Variants in DNAH8 observed in about 807,000 individuals in gnomAD.
DNAH8 encodes the protein dynein axonemal heavy chain 8.
A neutral mutation model predicts 562.1 loss-of-function variants in DNAH8; 382 were observed. The ratio of observed to expected loss-of-function variants is 0.68; its 90% CI spans 0.63 to 0.74. DNAH8 has a LOEUF of 0.74. DNAH8 is among the 30% of genes least tolerant of loss of function. The pLI is 0.00. For synonymous variants in DNAH8, 1,881 were observed against 1,919.4 expected, an observed-to-expected ratio of 0.98 and a Z score of 0.52; for missense variants, 5,203 against 5,620.4, an observed-to-expected ratio of 0.93 and a Z score of 2.37.
intron 3 of DNAH8, among the ~76,000 whole-genome samples, 157 bp downstream of exon 3, chr6:38,723,628 A>G (rs1286433473): frequency 6.6e-6 from 1 of 152,146 alleles, no homozygotes; most frequent in East Asian, 1.9e-4. Context: ...TAATCCCAGC[A>G]CTTTGGGAGG....
In DNAH8 at chr6:38,805,556, A is replaced by T; in HGVS notation, c.3110A>T (p.Asn1037Ile). The change falls in exon 23 of 93, where the codon AAT becomes ATT. Residue 1037 changes from asparagine (N) to isoleucine (I), a missense_variant. By Grantham distance (149) the Asn-to-Ile change is moderately radical. Transcript: ENST00000327475. ...ENNDYEANIV[N>I]EFDTHDKEDE... Reference sequence around the variant, plus strand: ...AATGACTATGAAGCTAATATTGTGAATGAGTTTGATACTCATGATAAAGAA... The same window carrying T: ...AATGACTATGAAGCTAATATTGTGATTGAGTTTGATACTCATGATAAAGAA... 3 of 1,602,286 alleles carry T rather than the reference A, an allele frequency of 1.9e-6. No individual in the cohort carries two copies. Among genetic ancestry groups the T allele is most frequent in the Non-Finnish European group, 2.6e-6 (3 of 1,169,626 alleles).
Position 38,938,086 on chromosome 6 carries a change from C to G in DNAH8, c.11676C>G (p.Asn3892Lys). The G allele has an allele frequency of 6.2e-7, 1 of 1,614,002 alleles. No individual in the cohort carries two copies. Among genetic ancestry groups the G allele is most frequent in the Non-Finnish European group, 8.5e-7 (1 of 1,179,996 alleles). ...CTGCAGAAACTGAGATCAAGATCAACGCGGCTCAGGAGGAGTTCCGGCCCG... is the reference window on the plus strand; with the variant it reads ...CTGCAGAAACTGAGATCAAGATCAAGGCGGCTCAGGAGGAGTTCCGGCCCG... ...HVAAETEIKI[N>K]AAQEEFRPAA... The change falls in exon 78 of 93, where the codon AAC (asparagine) becomes AAG (lysine). Residue 3892 changes from asparagine to lysine, a missense_variant. Physicochemically the swap from Asn to Lys is moderately conservative, Grantham distance 94. This residue lies in a region of DNAH8 where 1,399 missense variants were observed against 1,518.4 expected (regional missense o/e 0.92). Coordinates refer to ENST00000327475, the MANE Select transcript of DNAH8 (RefSeq NM_001206927.2).
intron 33 of DNAH8, among the ~76,000 whole-genome samples, chr6:38,838,963 G>A (rs1738199): frequency 0.51 from 77,357 of 152,018 alleles, 20,913 homozygotes; most frequent in East Asian, 0.84. Flanking sequence ...AAGCCACAAC[G>A]TGAAAATTTC....
intron 82 of DNAH8, 79 bp downstream of exon 82, chr6:38,951,599 C>A: frequency 8.1e-7 from 1 of 1,238,546 alleles, no homozygotes; most frequent in Non-Finnish European, 1.2e-6. Flanking sequence ...AATTTTATAA[C>A]TGATTCTTAG....
At chr6:38,715,970 T>C (rs1165727854) in intron 1 of DNAH8, among the ~76,000 whole-genome samples, 1 of 102,758 alleles carries the variant, frequency 9.7e-6, no homozygotes, top group Non-Finnish European at 1.9e-5. Flanking sequence ...ATTTTTTTTT[T>C]TTTTTTGAGA....
At chr6:38,999,802 G>C (rs1236793630) in intron 88 of DNAH8, among the ~76,000 whole-genome samples, 1 of 151,354 alleles carries the variant, frequency 6.6e-6, no homozygotes, top group Non-Finnish European at 1.5e-5. Flanking sequence ...AATATCTATA[G>C]ATGTATTTAT....
At chr6:38,872,397 C>A in intron 49 of DNAH8, 139 bp from the exon 50 acceptor site, 3 of 915,382 alleles carry the variant, frequency 3.3e-6, no homozygotes, top group Non-Finnish European at 4.9e-6. Context: ...AGTAAAACAA[C>A]ATTTTTTACA....
intron 82 of DNAH8, among the ~76,000 whole-genome samples, chr6:38,952,766 G>A (rs1478108628): frequency 1.3e-5 from 2 of 152,032 alleles, no homozygotes; most frequent in East Asian, 1.9e-4. Context: ...AAATGGCCAC[G>A]GTCTTCTGTC....
chr6:38,936,946 G>C (rs950716871), intron 77 of DNAH8, among the ~76,000 whole-genome samples: 3 of 152,010 alleles, frequency 2.0e-5, no homozygotes, highest in Non-Finnish European at 4.4e-5. Context: ...GTACATCCAA[G>C]GTGTCTTTCC....
In DNAH8 at chr6:39,012,478, G is replaced by A. The variant is rs200536426; in HGVS notation, c.13555G>A (p.Asp4519Asn). Reference protein sequence around the residue: ...NLRDALDNMYDARIPQLWKRV... With the variant: ...NLRDALDNMYNARIPQLWKRV... ...GAGAGATGCTCTGGACAACATGTATGATGCTCGTATACCTCAGCTCTGGAA... is the reference window on the plus strand; with the variant it reads ...GAGAGATGCTCTGGACAACATGTATAATGCTCGTATACCTCAGCTCTGGAA... The change falls in exon 91 of 93, where the codon GAT becomes AAT. Residue 4519 changes from aspartate (D) to asparagine (N), a missense_variant. Transcript: ENST00000327475. 143 of 1,614,094 alleles carry A rather than the reference G, an allele frequency of 8.9e-5. 1 individual carries two copies. The East Asian group carries it at 2.8e-3, about 32-fold the overall frequency.
chr6:38,893,024 A>G (rs759785247), intron 58 of DNAH8, among the ~76,000 whole-genome samples: 83 of 151,858 alleles, frequency 5.5e-4, no homozygotes, highest in Non-Finnish European at 1.1e-3. Context: ...TTCTATCATT[A>G]TTTGCATATT....
chr6:38,914,687 TCTCAG>T (rs1401416987), intron 67 of DNAH8, among the ~76,000 whole-genome samples: 1 of 152,088 alleles, frequency 6.6e-6, no homozygotes, highest in African/African-American at 2.4e-5. Flanking sequence ...AGCCTTCTAG[TCTCAG>T]ACTTTCAGCT....
At chr6:38,988,355 A>G (rs1243237133) in intron 87 of DNAH8, among the ~76,000 whole-genome samples, 2 of 152,218 alleles carry the variant, frequency 1.3e-5, no homozygotes, top group Non-Finnish European at 2.9e-5. Flanking sequence ...GAAAATAGTA[A>G]GAAACTTCAT....
intron 1 of DNAH8, 22 bp from the exon 2 acceptor site, chr6:38,722,754 C>G: frequency 6.7e-7 from 1 of 1,493,906 alleles, no homozygotes; most frequent in South Asian, 1.4e-5. Flanking sequence ...TAGTTTTAAA[C>G]GAACCTATGT....
intron 76 of DNAH8, 97 bp downstream of exon 76, chr6:38,932,090 A>C (rs1782590191): frequency 1.1e-6 from 1 of 924,568 alleles, no homozygotes; most frequent in African/African-American, 1.7e-5. Flanking sequence ...AAAAAATTTA[A>C]AAACCATATT....
chr6:38,952,598 T>C (rs1026029210), intron 82 of DNAH8, among the ~76,000 whole-genome samples: 4 of 152,310 alleles, frequency 2.6e-5, no homozygotes, highest in African/African-American at 9.6e-5. Flanking sequence ...AAGCATGATA[T>C]AAAATCAATT....
chr6:38,819,008 G>C (rs1171819815), intron 26 of DNAH8, among the ~76,000 whole-genome samples: 1 of 152,176 alleles, frequency 6.6e-6, no homozygotes, highest in Non-Finnish European at 1.5e-5. Context: ...CACAAACACA[G>C]TGCTGCCAGA....
chr6:38,769,052 A>G (rs916756498), intron 11 of DNAH8, among the ~76,000 whole-genome samples: 2 of 152,208 alleles, frequency 1.3e-5, no homozygotes, highest in African/African-American at 4.8e-5. Flanking sequence ...AGAAATGGGA[A>G]CTTGGTTTTC....
intron 15 of DNAH8, 141 bp downstream of exon 15, chr6:38,780,206 T>A: frequency 1.2e-6 from 1 of 804,342 alleles, no homozygotes; most frequent in Admixed American, 2.6e-5. Flanking sequence ...CCCTTCTGTG[T>A]GGGAAGGTGC....
Sources: gnomAD v4.1 joint callset for allele counts (sites outside exome capture counted in the v4.1 genomes callset) on GRCh38, gnomAD v4.1.1 for gene constraint, gnomAD v4.1.1 regional missense constraint, MANE v1.5 for transcripts, NCBI Gene and HGNC (gene_info 2026-07-23, HGNC 2026-07-21) for gene names.